Variants in ZNF90 observed in about 807,000 individuals in gnomAD.
ZNF90 encodes zinc finger protein HTF9.
ZNF90 carries 11 observed loss-of-function variants against 12.0 expected under a neutral mutation model. The observed-to-expected ratio is 0.92, with a 90% CI of 0.58 to 1.52. ZNF90 has a LOEUF of 1.52. ZNF90 is among the 40% of genes most tolerant of loss of function. The pLI, the probability that ZNF90 is intolerant of heterozygous loss-of-function variation, is 0.00. For missense variants in ZNF90, 765 were observed against 711.5 expected, an observed-to-expected ratio of 1.08 and a Z score of -0.86; for synonymous variants, 232 against 240.1, an observed-to-expected ratio of 0.97 and a Z score of 0.31.
chr19:20,082,061 G>A (rs1427504122), intron 1 of ZNF90, among the ~76,000 whole-genome samples: 1 of 152,022 alleles, frequency 6.6e-6, no homozygotes, highest in Non-Finnish European at 1.5e-5. Flanking sequence ...ACCGCGCCTG[G>A]CCTGTTTTTT....
At chr19:20,109,624 A>C (rs782408622) in intron 3 of ZNF90, among the ~76,000 whole-genome samples, 29 of 152,074 alleles carry the variant, frequency 1.9e-4, no homozygotes, top group Non-Finnish European at 4.4e-5. Flanking sequence ...CTGTAATCCC[A>C]GGACTTCGGG....
chr19:20,089,770 G>C (rs1321666436), intron 1 of ZNF90, among the ~76,000 whole-genome samples: 1 of 152,204 alleles, frequency 6.6e-6, no homozygotes, highest in Admixed American at 6.5e-5. Context: ...AGGAAGTTCG[G>C]AGGTGTAGGG....
chr19:20,100,720 T>C (rs2122501284), intron 1 of ZNF90, among the ~76,000 whole-genome samples: 1 of 152,324 alleles, frequency 6.6e-6, no homozygotes, highest in East Asian at 1.9e-4. Flanking sequence ...CTAACTGGAT[T>C]TCCTATGCCT....
intron 3 of ZNF90, among the ~76,000 whole-genome samples, chr19:20,111,645 A>G (rs2089089662): frequency 6.6e-6 from 1 of 151,866 alleles, no homozygotes; most frequent in South Asian, 2.1e-4. Flanking sequence ...TTAATTTTGT[A>G]CTGGTATGCT....
At chr19:20,079,859 C>A in intron 1 of ZNF90, 1 of 396,804 alleles carries the variant, frequency 2.5e-6, no homozygotes. Context: ...GCGATGTAAG[C>A]AAGAAGCTGC....
rs543129624 is a variant in ZNF90, at chr19:20,102,920, A to G, written c.4-1319A>G. Among the ~76,000 whole-genome samples the G allele has an allele frequency of 3.9e-5, 6 of 152,368 alleles. No homozygotes were observed. In the East Asian group the frequency reaches 7.7e-4, roughly 20 times the overall value. On this transcript the variant is annotated intron_variant, in intron 1 of 3. Coordinates refer to ENST00000418063, the MANE Select transcript of ZNF90 (RefSeq NM_007138.2). ...AAATTCCTACTAAAAATTACAGAAC[A>G]TAGGAGTTATCTGTACTTTGAAGTT...
At chr19:20,081,811 C>A (rs1210726497) in intron 1 of ZNF90, among the ~76,000 whole-genome samples, 1 of 150,636 alleles carries the variant, frequency 6.6e-6, no homozygotes, top group Non-Finnish European at 1.5e-5. Flanking sequence ...GTCATCCAGG[C>A]TGGAGTGCAG....
In ZNF90 at chr19:20,117,874, A is replaced by C. The variant is rs782178465; in HGVS notation, c.320A>C (p.Glu107Ala). 2.5e-6 allele frequency: 4 copies of C among 1,610,934 alleles called. No individual in the cohort carries two copies. In the African/African-American group the frequency reaches 5.3e-5, roughly 22 times the overall value. ...ATAGTGACAAGATATGAAAAACGTG[A>C]ATATGGCAATTTAGAGTTAAAAAAA... Reference protein sequence around the residue: ...KVIVTRYEKREYGNLELKKGC... With the variant: ...KVIVTRYEKRAYGNLELKKGC... Residue 107 changes from glutamate to alanine, a missense_variant, in exon 4 of 4, where the codon GAA becomes GCA. Transcript: ENST00000418063.
intron 1 of ZNF90, among the ~76,000 whole-genome samples, chr19:20,080,728 A>G (rs1282609277): frequency 6.6e-6 from 1 of 152,202 alleles, no homozygotes; most frequent in Non-Finnish European, 1.5e-5. Context: ...AGAAGCATAG[A>G]TGGGCCATGG....
chr19:20,090,683 C>T (rs1232373012), intron 1 of ZNF90, among the ~76,000 whole-genome samples: 1 of 152,160 alleles, frequency 6.6e-6, no homozygotes, highest in East Asian at 1.9e-4. Context: ...AATTTCCTGT[C>T]TAGCCTGCTG....
At chr19:20,110,318 GC>G (rs1222848692) in intron 3 of ZNF90, among the ~76,000 whole-genome samples, 1 of 151,968 alleles carries the variant, frequency 6.6e-6, no homozygotes, top group Non-Finnish European at 1.5e-5. Context: ...TTGCTCTGTT[GC>G]CCAGGCTGGA....
chr19:20,106,499 G>C (rs553938761), intron 3 of ZNF90, among the ~76,000 whole-genome samples: 22 of 152,296 alleles, frequency 1.4e-4, no homozygotes, highest in African/African-American at 5.1e-4. Flanking sequence ...CTGTCACCCA[G>C]GCTGGAGTGC....
intron 3 of ZNF90, among the ~76,000 whole-genome samples, chr19:20,111,758 T>A (rs1283450884): frequency 7.2e-5 from 11 of 152,202 alleles, no homozygotes; most frequent in African/African-American, 2.7e-4. Context: ...TATATTTTAA[T>A]CTTATAAGAA....
chr19:20,107,868 A>G (rs1007002815), intron 3 of ZNF90, among the ~76,000 whole-genome samples: 3 of 152,226 alleles, frequency 2.0e-5, no homozygotes, highest in Non-Finnish European at 2.9e-5. Flanking sequence ...ATAAATAACT[A>G]AAATAGTTAC....
intron 3 of ZNF90, among the ~76,000 whole-genome samples, chr19:20,113,921 C>A (rs977537108): frequency 2.6e-5 from 4 of 152,128 alleles, no homozygotes; most frequent in Non-Finnish European, 4.4e-5. Flanking sequence ...AATTTCAAAA[C>A]AATACTAACT....
At chr19:20,089,676 G>A (rs938232900) in intron 1 of ZNF90, among the ~76,000 whole-genome samples, 1 of 152,164 alleles carries the variant, frequency 6.6e-6, no homozygotes, top group African/African-American at 2.4e-5. Context: ...GCAGCTTGCT[G>A]ATGTGAAATG....
At chr19:20,085,268 C>CTTTTTTTTTTTTTTTTTTTT (rs56068843) in intron 1 of ZNF90, among the ~76,000 whole-genome samples, 8 of 135,558 alleles carry the variant, frequency 5.9e-5, no homozygotes, top group Admixed American at 1.5e-4. Context: ...TTGCATTGGT[C>CTTTTTTTTTTTTTTTTTTTT]TTTTTTTTTT....
chr19:20,094,373 C>A (rs1480584057), intron 1 of ZNF90, among the ~76,000 whole-genome samples: 1 of 152,190 alleles, frequency 6.6e-6, no homozygotes, highest in South Asian at 2.1e-4. Flanking sequence ...GAGAATAAGG[C>A]GGCCTTCTGG....
In ZNF90 at chr19:20,119,397, A is replaced by G. The variant is rs1284703906; in HGVS notation, c.*37A>G. 3.3e-6 allele frequency: 5 copies of G among 1,519,262 alleles called. No homozygotes were observed. The highest frequency in any genetic ancestry group is 4.4e-6 in the Non-Finnish European group (5 of 1,127,476). 94.1% of individuals were successfully genotyped at this position (1,519,262 alleles called of 1,614,324 possible). On this transcript the variant is annotated 3_prime_UTR_variant, in exon 4 of 4. Transcript: ENST00000418063. Reference sequence around the variant, plus strand: ...ACCCTTAATAAACATAAGATAATTCATACTGGAGAGAAACCGTATAAATGT... The same window carrying G: ...ACCCTTAATAAACATAAGATAATTCGTACTGGAGAGAAACCGTATAAATGT...
Sources: allele counts gnomAD v4.1 joint callset (sites outside exome capture counted in the v4.1 genomes callset), GRCh38; gene constraint gnomAD v4.1.1; transcripts MANE v1.5; gene names NCBI Gene and HGNC (gene_info 2026-07-23, HGNC 2026-07-21).